STAMBP: variants seen among roughly 807,000 people sequenced by gnomAD.
STAMBP encodes the protein STAM-binding protein.
Under a neutral mutation model 50.7 loss-of-function variants are expected in STAMBP, and 31 were observed. That is an observed-to-expected ratio of 0.61 (90% CI 0.46 to 0.83). STAMBP has a LOEUF of 0.83. STAMBP is among the 40% of genes least tolerant of loss of function. STAMBP has a pLI of 0.00. For missense variants in STAMBP, 472 were observed against 518.9 expected (o/e 0.91, Z 0.88); for synonymous variants, 211 against 192.4 (o/e 1.10, Z -0.80).
At chr2:73,833,708 A>G (rs776146321) in intron 2 of STAMBP, among the ~76,000 whole-genome samples, 4 of 152,196 alleles carry the variant, frequency 2.6e-5, no homozygotes, top group Non-Finnish European at 5.9e-5. Context: ...TTTCAGGGCA[A>G]AGACCATATT....
At chr2:73,852,826 C>T (rs1475292468) in intron 7 of STAMBP, among the ~76,000 whole-genome samples, 1 of 148,252 alleles carries the variant, frequency 6.7e-6, no homozygotes, top group Non-Finnish European at 1.5e-5. Context: ...TACAGGTACC[C>T]GCCACTATGC....
downstream of STAMBP, among the ~76,000 whole-genome samples, chr2:73,868,025 G>A (rs1679029600): frequency 6.6e-6 from 1 of 151,708 alleles, no homozygotes; most frequent in South Asian, 2.1e-4. Flanking sequence ...TTGGGAGGCT[G>A]AGGCAGGAGA....
chr2:73,832,784 T>C (rs550757366), intron 2 of STAMBP, among the ~76,000 whole-genome samples: 2 of 152,286 alleles, frequency 1.3e-5, no homozygotes, highest in South Asian at 4.1e-4. Context: ...ACCAAAAATG[T>C]CACCAGACAT....
rs549577949 is a variant in STAMBP at position 73,844,641 on chromosome 2, G to T, written c.204-172G>T. On this transcript the variant is annotated intron_variant, in intron 2 of 9. Coordinates refer to ENST00000394070, the MANE Select transcript of STAMBP (RefSeq NM_213622.4). ...TAGAGGAAAAGACTCTGGCTCTTTA[G>T]GGGGATAGAGATGGGAAAGGAGCAT... 1.5e-5 allele frequency: 7 copies of T among 478,220 alleles called. No homozygotes were observed. The South Asian group carries it at 2.7e-4, about 18-fold the overall frequency. The allele number at this position is 478,220 out of a possible 1,614,324, so 29.6% of individuals were successfully genotyped here. A position where few individuals can be genotyped will look rare whatever the true frequency, so the allele number is the denominator to read the frequency against.
rs564349545 is a variant in STAMBP at position 73,865,706 on chromosome 2, G to A, written c.*3447G>A. 6.6e-6 allele frequency: 1 copy of A among 152,300 alleles called. No homozygotes were observed. Among genetic ancestry groups the A allele is most frequent in the Non-Finnish European group, 1.5e-5 (1 of 68,032 alleles). The allele number at this position is 152,300 out of a possible 1,614,324, so 9.4% of individuals were successfully genotyped here. A position where few individuals can be genotyped will look rare whatever the true frequency, so the allele number is the denominator to read the frequency against. ...CTATATGCATATGAGGCCTACGTTA[G>A]TTGAAAGATGCTATAAAGATATAAG... On this transcript the variant is annotated 3_prime_UTR_variant, in exon 10 of 10. Coordinates refer to ENST00000394070, the MANE Select transcript of STAMBP (RefSeq NM_213622.4).
chr2:73,871,380 C>T (rs530901990), downstream of STAMBP, among the ~76,000 whole-genome samples: 28 of 150,492 alleles, frequency 1.9e-4, no homozygotes, highest in South Asian at 2.7e-3. Context: ...CCCGTCTCTA[C>T]GAAAAATACC....
At chr2:73,848,020 A>G (rs1676350382) in intron 5 of STAMBP, among the ~76,000 whole-genome samples, 1 of 152,212 alleles carries the variant, frequency 6.6e-6, no homozygotes, top group Admixed American at 6.5e-5. Context: ...AAGGAAAAGA[A>G]TGTGCCAAAC....
Position 73,862,442 on chromosome 2 carries a change from C to A in STAMBP, c.*183C>A. 2 of 441,910 alleles carry A rather than the reference C, an allele frequency of 4.5e-6. No homozygotes were observed. The highest frequency in any genetic ancestry group is 2.0e-5 in the African/African-American group (1 of 49,344). 27.4% of individuals were successfully genotyped at this position (441,910 alleles called of 1,614,324 possible). A position where few individuals can be genotyped will look rare whatever the true frequency, so the allele number is the denominator to read the frequency against. On this transcript the variant is annotated 3_prime_UTR_variant, in exon 10 of 10. Coordinates refer to ENST00000394070, the MANE Select transcript of STAMBP (RefSeq NM_213622.4). ...GAAATAACTGAACATATTTTTTAGGCAAGTCAGAAAGAGAACATGGTCACC... is the reference window on the plus strand; with the variant it reads ...GAAATAACTGAACATATTTTTTAGGAAAGTCAGAAAGAGAACATGGTCACC...
chr2:73,846,621 C>CT (rs1298787057), intron 4 of STAMBP, among the ~76,000 whole-genome samples: 2 of 134,910 alleles, frequency 1.5e-5, no homozygotes. Flanking sequence ...GTGAGACTCT[C>CT]TAAGAAAAAA....
intron 4 of STAMBP, 51 bp downstream of exon 4, chr2:73,845,313 C>T (rs1256866636): frequency 7.9e-7 from 1 of 1,258,936 alleles, no homozygotes; most frequent in Non-Finnish European, 1.2e-6. Context: ...TTAGGCTGTG[C>T]CCTGGGATTG....
chr2:73,837,032 T>C (rs1674797843), intron 2 of STAMBP, among the ~76,000 whole-genome samples: 1 of 152,234 alleles, frequency 6.6e-6, no homozygotes, highest in South Asian at 2.1e-4. Flanking sequence ...AGGGGATCTG[T>C]GAACCGGAAT....
At chr2:73,852,950 G>A (rs1677049224) in intron 7 of STAMBP, among the ~76,000 whole-genome samples, 1 of 147,196 alleles carries the variant, frequency 6.8e-6, no homozygotes, top group South Asian at 2.1e-4. Context: ...GTGTGTGTGT[G>A]TGTGTATTTT....
At position 73,863,837 on chromosome 2, in the gene STAMBP, A is replaced by C. The variant is rs1376970129; in HGVS notation, c.*1578A>C. On this transcript the variant is annotated 3_prime_UTR_variant, in exon 10 of 10. Coordinates refer to ENST00000394070, the MANE Select transcript of STAMBP (RefSeq NM_213622.4). ...ATTTCGACTGTAGCCGTTGGCTTTT[A>C]CCAAGTCTCTTTGTTTTTAGCATTT... The C allele has an allele frequency of 6.6e-6, 1 of 152,044 alleles. No homozygotes were observed. Among genetic ancestry groups the C allele is most frequent in the Non-Finnish European group, 1.5e-5 (1 of 68,036 alleles). 9.4% of individuals were successfully genotyped at this position (152,044 alleles called of 1,614,324 possible).
At chr2:73,829,532 CCT>C in intron 1 of STAMBP, 22 bp downstream of exon 1, 1 of 152,304 alleles carries the variant, frequency 6.6e-6, no homozygotes, top group South Asian at 2.1e-4. Context: ...CAACAAGCAT[CCT>C]CTGTTTCAGT....
intron 2 of STAMBP, 199 bp from the exon 3 acceptor site, chr2:73,844,614 A>G: frequency 2.6e-6 from 1 of 381,114 alleles, no homozygotes; most frequent in Non-Finnish European, 4.7e-6. Flanking sequence ...CTAGTTTGGG[A>G]GTAGAGGAAA....
At chr2:73,844,715 T>G in intron 2 of STAMBP, 98 bp from the exon 3 acceptor site, 1 of 999,274 alleles carries the variant, frequency 1.0e-6, no homozygotes, top group East Asian at 2.6e-5. Flanking sequence ...TCTGGAACCT[T>G]TCATATAAGG....
At position 73,847,642 on chromosome 2, in the gene STAMBP, T is replaced by G; in HGVS notation, c.631T>G (p.Leu211Val). The change falls in exon 5 of 10, where the codon TTA (leucine) becomes GTA (valine). Residue 211 changes from leucine to valine, a missense_variant. Transcript: ENST00000394070. ...EKPSLDVFPT[L>V]TVSSIQPSDC... ...GCCCTCCTTAGATGTGTTCCCCACC[T>G]TAACAGTCTCATCCATACAGCCTTC... The G allele has an allele frequency of 1.9e-6, 3 of 1,614,204 alleles. No individual in the cohort carries two copies. Among genetic ancestry groups the G allele is most frequent in the Non-Finnish European group, 2.5e-6 (3 of 1,180,034 alleles).
chr2:73,842,441 C>T (rs1266607712), intron 2 of STAMBP, among the ~76,000 whole-genome samples: 1 of 152,216 alleles, frequency 6.6e-6, no homozygotes, highest in Non-Finnish European at 1.5e-5. Flanking sequence ...CTGGTTCCCA[C>T]CTTGGCCTTG....
chr2:73,831,156 A>G (rs1043404325), intron 2 of STAMBP, 97 bp downstream of exon 2: 1 of 982,302 alleles, frequency 1.0e-6, no homozygotes, highest in Non-Finnish European at 1.6e-6. Context: ...CAATATCATC[A>G]ACATTAATCA....
Sources: gnomAD v4.1 joint callset for allele counts (sites outside exome capture counted in the v4.1 genomes callset) on GRCh38, gnomAD v4.1.1 for gene constraint, MANE v1.5 for transcripts, NCBI Gene and HGNC (gene_info 2026-07-23, HGNC 2026-07-21) for gene names.